The following MB21D2 variants were observed in gnomAD, a reference collection of about 807,000 sequenced individuals.
The protein encoded by MB21D2 is nucleotidyltransferase MB21D2.
Under a neutral mutation model 33.3 loss-of-function variants are expected in MB21D2, and 9 were observed. That is an observed-to-expected ratio of 0.27 (90% CI 0.16 to 0.47). The LOEUF is 0.47. Among genes scored for constraint, MB21D2 ranks in the 20% least tolerant of loss-of-function variants. The pLI is 0.99. For missense variants in MB21D2, 540 were observed against 624.6 expected, an observed-to-expected ratio of 0.86 and a Z score of 1.44; for synonymous variants, 241 against 236.3, an observed-to-expected ratio of 1.02 and a Z score of -0.18.
chr3:192,798,715 T>C lies in MB21D2; in HGVS notation c.1147A>G (p.Asn383Asp). 1 of 1,613,472 alleles carries C rather than the reference T, an allele frequency of 6.2e-7. No individual in the cohort carries two copies. The highest frequency in any genetic ancestry group is 8.5e-7 in the Non-Finnish European group (1 of 1,180,022). ...MCPNYFIPQC[N>D]MLEHLSEETV... ...TCCTCAGACAGATGTTCCAGCATGT[T>C]GCACTGAGGGATGAAATAATTGGGG... Residue 383 changes from asparagine (N) to aspartate (D), a missense_variant, in exon 2 of 2, where the codon AAC becomes GAC. Asn to Asp is a conservative substitution (Grantham distance 23). Transcript: ENST00000392452. The surrounding 1 kb of genome is among the most constrained non-coding windows in gnomAD (Gnocchi z 4.8).
At position 192,797,087 on chromosome 3, in the gene MB21D2, G is replaced by A. The variant is rs1303763189; in HGVS notation, c.*1299C>T. The A allele has an allele frequency of 1.3e-5, 2 of 152,592 alleles. No individual in the cohort carries two copies. Among genetic ancestry groups the A allele is most frequent in the African/African-American group, 4.8e-5 (2 of 41,428 alleles). The allele number at this position is 152,592 out of a possible 1,614,324, so 9.5% of individuals were successfully genotyped here. ...GACCTCTTAAACACCAGCTTGCCAT[G>A]AGTCCACACCAAAACAGGGAGCCAA... On this transcript the variant is annotated 3_prime_UTR_variant, in exon 2 of 2. Coordinates refer to ENST00000392452, the MANE Select transcript of MB21D2 (RefSeq NM_178496.4).
intron 1 of MB21D2, among the ~76,000 whole-genome samples, chr3:192,913,883 G>A (rs2108657438): frequency 6.6e-6 from 1 of 152,154 alleles, no homozygotes; most frequent in South Asian, 2.1e-4. Context: ...GAGGCAGACT[G>A]GGAATGAAAC....
At chr3:192,830,524 AC>A (rs1712292786) in intron 1 of MB21D2, among the ~76,000 whole-genome samples, 2 of 151,834 alleles carry the variant, frequency 1.3e-5, no homozygotes, top group East Asian at 3.9e-4. Context: ...TGCTTCATAC[AC>A]CCCTTTCTGC....
chr3:192,907,773 C>A (rs1364529815), intron 1 of MB21D2, among the ~76,000 whole-genome samples: 1 of 152,156 alleles, frequency 6.6e-6, no homozygotes, highest in Non-Finnish European at 1.5e-5. Context: ...CCAGATTAAC[C>A]ATCCAAGTGG....
At chr3:192,873,886 G>C (rs1481102566) in intron 1 of MB21D2, among the ~76,000 whole-genome samples, 2 of 152,112 alleles carry the variant, frequency 1.3e-5, no homozygotes, top group African/African-American at 4.8e-5. Flanking sequence ...AGTTTTAGTA[G>C]AGACAGGGTT....
chr3:192,827,877 A>T (rs181204754), intron 1 of MB21D2, among the ~76,000 whole-genome samples: 40 of 152,158 alleles, frequency 2.6e-4, no homozygotes, highest in African/African-American at 8.9e-4. Flanking sequence ...CTCATCTTGA[A>T]TTTTAGCTCC....
chr3:192,882,087 G>A (rs1713608571), intron 1 of MB21D2, among the ~76,000 whole-genome samples: 3 of 151,976 alleles, frequency 2.0e-5, no homozygotes, highest in African/African-American at 4.8e-5. Context: ...AGTTATGTAT[G>A]TCTAATGCCT....
chr3:192,902,201 C>T (rs1560255972), intron 1 of MB21D2, among the ~76,000 whole-genome samples: 1 of 152,176 alleles, frequency 6.6e-6, no homozygotes, highest in Non-Finnish European at 1.5e-5. Flanking sequence ...TTCAGGAGAT[C>T]AAAACCATTA....
intron 1 of MB21D2, among the ~76,000 whole-genome samples, chr3:192,853,285 T>A (rs980799414): frequency 6.6e-6 from 1 of 152,142 alleles, no homozygotes; most frequent in African/African-American, 2.4e-5. Context: ...CGCCATTCCA[T>A]CCCGTGTTGA....
At chr3:192,863,411 G>A (rs1055739460) in intron 1 of MB21D2, among the ~76,000 whole-genome samples, 31 of 152,124 alleles carry the variant, frequency 2.0e-4, no homozygotes, top group Non-Finnish European at 4.1e-4. Context: ...CGGGACTAAC[G>A]GTTGTTTTCC....
At chr3:192,908,740 A>G (rs1425296720) in intron 1 of MB21D2, among the ~76,000 whole-genome samples, 1 of 151,866 alleles carries the variant, frequency 6.6e-6, no homozygotes, top group Non-Finnish European at 1.5e-5. Flanking sequence ...TCTCAAAGAC[A>G]TATAGGAAGG....
At chr3:192,889,666 T>C (rs1713808443) in intron 1 of MB21D2, among the ~76,000 whole-genome samples, 1 of 151,994 alleles carries the variant, frequency 6.6e-6, no homozygotes, top group Non-Finnish European at 1.5e-5. Flanking sequence ...CAGAGGCTTG[T>C]TCCAGGGTGA....
chr3:192,850,108 G>C (rs934140622), intron 1 of MB21D2, among the ~76,000 whole-genome samples: 15 of 151,724 alleles, frequency 9.9e-5, no homozygotes, highest in African/African-American at 3.4e-4. Context: ...TCAGTAGAGA[G>C]GGGGTTTCAC....
chr3:192,903,955 T>C (rs772668296), intron 1 of MB21D2, among the ~76,000 whole-genome samples: 2 of 152,242 alleles, frequency 1.3e-5, no homozygotes, highest in African/African-American at 4.8e-5. Flanking sequence ...AGCACTATGC[T>C]TCCTATACCA....
intron 1 of MB21D2, among the ~76,000 whole-genome samples, chr3:192,900,521 T>C (rs1169363371): frequency 6.6e-6 from 1 of 152,092 alleles, no homozygotes; most frequent in Admixed American, 6.6e-5. Context: ...CTGGTTTGGC[T>C]GGTTTTTTCG....
intron 1 of MB21D2, among the ~76,000 whole-genome samples, chr3:192,870,699 G>GAAAAAAAAAAAAAAAAAAAA (rs57320648): frequency 2.4e-5 from 1 of 41,670 alleles, no homozygotes; most frequent in African/African-American, 1.1e-4. Flanking sequence ...CGACTCCGTT[G>GAAAAAAAAAAAAAAAAAAAA]AAAAAAAAAA....
At chr3:192,859,087 G>A (rs1238111588) in intron 1 of MB21D2, among the ~76,000 whole-genome samples, 1 of 152,152 alleles carries the variant, frequency 6.6e-6, no homozygotes, top group East Asian at 1.9e-4. Context: ...AAGCCATGCT[G>A]GCCGGCTCCA....
At chr3:192,848,175 T>C (rs1712713614) in intron 1 of MB21D2, among the ~76,000 whole-genome samples, 1 of 152,212 alleles carries the variant, frequency 6.6e-6, no homozygotes, top group Non-Finnish European at 1.5e-5. Flanking sequence ...AGTCAAGTGC[T>C]AAATATGCTG....
intron 1 of MB21D2, among the ~76,000 whole-genome samples, chr3:192,855,761 G>T (rs939235058): frequency 2.6e-5 from 4 of 152,172 alleles, no homozygotes; most frequent in African/African-American, 9.7e-5. Flanking sequence ...GATAGAAAAT[G>T]AAGCTTCAAA....
Sources: gnomAD v4.1 joint callset for allele counts (sites outside exome capture counted in the v4.1 genomes callset) on GRCh38, gnomAD v4.1.1 for gene constraint, Gnocchi (gnomAD v3.1) non-coding constraint, MANE v1.5 for transcripts, NCBI Gene and HGNC (gene_info 2026-07-23, HGNC 2026-07-21) for gene names.